Variants in RPS3 observed in about 807,000 individuals in gnomAD.
RPS3 encodes small ribosomal subunit protein uS3.
Under a neutral mutation model 25.8 loss-of-function variants are expected in RPS3, and 2 were observed. The observed-to-expected ratio is 0.08, with a 90% CI of 0.03 to 0.24. The LOEUF (loss-of-function observed/expected upper bound fraction) is 0.24. Among genes scored for constraint, RPS3 ranks in the 10% least tolerant of loss-of-function variants. The pLI is 1.00. For missense variants in RPS3, 107 were observed against 307.1 expected, an observed-to-expected ratio of 0.35 and a Z score of 4.87; for synonymous variants, 114 against 114.2, an observed-to-expected ratio of 1.00 and a Z score of 0.01.
intron 6 of RPS3, among the ~76,000 whole-genome samples, chr11:75,418,878 C>T (rs1352699217): frequency 6.6e-6 from 1 of 152,230 alleles, no homozygotes; most frequent in Non-Finnish European, 1.5e-5. Context: ...ATCCCACCCT[C>T]ACTGGCAGGC....
At chr11:75,402,331 T>C in intron 3 of RPS3, 21 bp from the exon 4 acceptor site, 1 of 1,612,538 alleles carries the variant, frequency 6.2e-7, no homozygotes, top group East Asian at 2.2e-5. Flanking sequence ...GGTAACAGGA[T>C]ATCCCTTGCT....
exon 7 of RPS3, chr11:75,422,276 G>A (rs565444012): frequency 3.8e-6 from 1 of 264,352 alleles, no homozygotes; most frequent in Admixed American, 4.9e-5. Context: ...TCAGAACTGT[G>A]AGAAATAAAT....
In RPS3 at chr11:75,406,661, T is replaced by A. The variant is rs1234729975; in HGVS notation, c.*1051T>A. On this transcript the variant is annotated 3_prime_UTR_variant, in exon 7 of 7. Transcript: ENST00000531188. The stretch of plus-strand genomic sequence containing the variant: ...ACTCATAAATTGGTCATCTTAACCA[T>A]TTAAGTGTACACTTCTATAGTGACA... 2 of 152,218 alleles carry A rather than the reference T, an allele frequency of 1.3e-5. No individual in the cohort carries two copies. Among genetic ancestry groups the A allele is most frequent in the Admixed American group, 6.5e-5 (1 of 15,282 alleles). The allele number at this position is 152,218 out of a possible 1,614,324, so 9.4% of individuals were successfully genotyped here.
At chr11:75,403,943 C>T (rs1246746796) in intron 4 of RPS3, 77 bp from the exon 5 acceptor site, 1 of 1,396,374 alleles carries the variant, frequency 7.2e-7, no homozygotes, top group Non-Finnish European at 9.8e-7. Context: ...CATTGAAAAC[C>T]AAGTCTTTGT....
intron 6 of RPS3, among the ~76,000 whole-genome samples, chr11:75,421,182 T>C (rs1948441008): frequency 6.6e-6 from 1 of 152,148 alleles, no homozygotes; most frequent in Non-Finnish European, 1.5e-5. Context: ...TCTGGGATAA[T>C]CGGCGGGTCG....
At chr11:75,412,247 C>T (rs901494964) in intron 6 of RPS3, among the ~76,000 whole-genome samples, 1 of 152,148 alleles carries the variant, frequency 6.6e-6, no homozygotes, top group African/African-American at 2.4e-5. Flanking sequence ...GATTTATGTC[C>T]CCCCAAATTC....
In RPS3 at chr11:75,404,796, C is replaced by G. The variant is rs766600331; in HGVS notation, c.663C>G (p.Thr221=). ...VEPKDEILPT[T]PISEQKGGKP... ...CCAAAGATGAGATACTGCCCACCAC[C>G]CCCATCTCAGAACAGAAGGGTGGGA... The change falls in exon 6 of 7, where the codon ACC becomes ACG. Residue 221 remains threonine, a synonymous_variant. Coordinates refer to ENST00000531188, the MANE Select transcript of RPS3 (RefSeq NM_001005.5). The surrounding 1 kb of genome is among the most constrained non-coding windows in gnomAD (Gnocchi z 4.6). 4.3e-6 allele frequency: 7 copies of G among 1,613,718 alleles called. No homozygotes were observed. The Admixed American group carries it at 1.0e-4, about 23-fold the overall frequency.
chr11:75,403,493 G>A (rs1948240787), intron 4 of RPS3: 1 of 152,620 alleles, frequency 6.6e-6, no homozygotes, highest in Non-Finnish European at 1.5e-5. Flanking sequence ...TGAGTTGGGG[G>A]GTAGGTCATA....
At chr11:75,407,377 A>AT (rs1469812899), downstream of RPS3, among the ~76,000 whole-genome samples, 1 of 152,118 alleles carries the variant, frequency 6.6e-6, no homozygotes, top group Non-Finnish European at 1.5e-5. Context: ...ACTTCAAGTG[A>AT]TCCCCCCACC....
intron 6 of RPS3, among the ~76,000 whole-genome samples, chr11:75,415,426 A>G (rs1237243595): frequency 6.6e-6 from 1 of 152,222 alleles, no homozygotes; most frequent in African/African-American, 2.4e-5. Context: ...TCACACCAGC[A>G]TTTTGGGAGG....
rs866106435 is a variant in RPS3, at chr11:75,413,252, T to A, written c.*3+8384T>A. On this transcript the variant is annotated intron_variant, in intron 6 of 6. Transcript: ENST00000527446. ...GTGTGTGTGTATATATATATATATT[T>A]TTTTTTTTGAGACAGTCTCACTCTG... is the stretch of plus-strand genomic sequence containing the variant. Among the ~76,000 whole-genome samples, 530 of 151,718 alleles carry A rather than the reference T, an allele frequency of 3.5e-3. 3 individuals are homozygous for A. The highest frequency in any genetic ancestry group is 9.1e-3 in the African/African-American group (377 of 41,404).
downstream of RPS3, among the ~76,000 whole-genome samples, chr11:75,411,049 TG>T (rs1214980041): frequency 1.3e-5 from 2 of 152,050 alleles, no homozygotes; most frequent in Non-Finnish European, 2.9e-5. Context: ...GCTAGTTTTT[TG>T]TATTTTTCGT....
chr11:75,421,999 A>G (rs1249506556), exon 7 of RPS3: 1 of 152,272 alleles, frequency 6.6e-6, no homozygotes, highest in East Asian at 1.9e-4. Flanking sequence ...TACTATTTTG[A>G]AAGTAAATGA....
At position 75,404,488 on chromosome 11, in the gene RPS3, T is replaced by G; in HGVS notation, c.539-184T>G. 1 of 801,250 alleles carries G rather than the reference T, an allele frequency of 1.2e-6. No individual in the cohort carries two copies. The highest frequency in any genetic ancestry group is 2.4e-5 in the East Asian group (1 of 41,164). 49.6% of individuals were successfully genotyped at this position (801,250 alleles called of 1,614,324 possible). On this transcript the variant is annotated intron_variant, in intron 5 of 6. Coordinates refer to ENST00000531188, the MANE Select transcript of RPS3 (RefSeq NM_001005.5). The surrounding 1 kb of genome is among the most constrained non-coding windows in gnomAD (Gnocchi z 4.6). ...GCTCTTGGTCCTTGTCAGTGCCATGTTCTGTGGTGCTGTGCACGAGTTCCT... is the reference window on the plus strand; with the variant it reads ...GCTCTTGGTCCTTGTCAGTGCCATGGTCTGTGGTGCTGTGCACGAGTTCCT...
downstream of RPS3, among the ~76,000 whole-genome samples, chr11:75,407,639 T>A (rs1948302642): frequency 1.3e-5 from 2 of 152,204 alleles, no homozygotes; most frequent in South Asian, 4.1e-4. Context: ...TGGCTATTTT[T>A]TTTTGTATTT....
At chr11:75,419,696 C>T (rs917948945) in intron 6 of RPS3, among the ~76,000 whole-genome samples, 2 of 152,032 alleles carry the variant, frequency 1.3e-5, no homozygotes, top group Non-Finnish European at 2.9e-5. Context: ...TATAGTGACA[C>T]AACCTAGGCT....
At chr11:75,407,757 G>T (rs190985316), downstream of RPS3, among the ~76,000 whole-genome samples, 48 of 152,340 alleles carry the variant, frequency 3.2e-4, no homozygotes, top group African/African-American at 1.1e-3. Flanking sequence ...GTGAGCCACC[G>T]TGCCTGGCCA....
intron 1 of RPS3, 65 bp from the exon 2 acceptor site, chr11:75,400,628 AC>A (rs1159431107): frequency 6.3e-7 from 1 of 1,593,102 alleles, no homozygotes; most frequent in East Asian, 2.3e-5. Flanking sequence ...ATAAGACTAG[AC>A]TGGCTCAGGC....
intron 6 of RPS3, among the ~76,000 whole-genome samples, chr11:75,417,951 C>T (rs1373822806): frequency 6.6e-6 from 1 of 152,236 alleles, no homozygotes; most frequent in African/African-American, 2.4e-5. Context: ...AATGACCAGG[C>T]TGCCCAGCCT....
Sources: gnomAD v4.1 joint callset for allele counts (sites outside exome capture counted in the v4.1 genomes callset) on GRCh38, gnomAD v4.1.1 for gene constraint, Gnocchi (gnomAD v3.1) non-coding constraint, MANE v1.5 for transcripts, NCBI Gene and HGNC (gene_info 2026-07-23, HGNC 2026-07-21) for gene names.